The following ABCC8 variants were observed in gnomAD, a reference collection of about 807,000 sequenced individuals.
The protein encoded by ABCC8 is ATP binding cassette subfamily C member 8, also known as ATP-binding cassette sub-family C member 8.
In ABCC8, 137 loss-of-function variants were observed where a neutral mutation model predicts 188.0. The ratio of observed to expected loss-of-function variants is 0.73; its 90% CI spans 0.63 to 0.84. ABCC8 has a LOEUF of 0.84. ABCC8 is among the 40% of genes least tolerant of loss of function. The pLI, the probability that ABCC8 is intolerant of heterozygous loss-of-function variation, is 0.00. For synonymous variants in ABCC8, 797 were observed against 846.5 expected, an observed-to-expected ratio of 0.94 and a Z score of 1.01; for missense variants, 1,750 against 2,072.7, an observed-to-expected ratio of 0.84 and a Z score of 3.02.
chr11:17,447,358 G>A (rs1039817667), intron 8 of ABCC8, among the ~76,000 whole-genome samples: 14 of 152,096 alleles, frequency 9.2e-5, no homozygotes, highest in Admixed American at 6.5e-4. Flanking sequence ...TTATTGGGGG[G>A]TAATGTACCT....
At position 17,427,377 on chromosome 11, in the gene ABCC8, C is replaced by G. The variant is rs926989662; in HGVS notation, c.2117-223G>C. 6.6e-6 allele frequency among the ~76,000 whole-genome samples: 1 copy of G among 152,140 alleles called. No individual in the cohort carries two copies. The highest frequency in any genetic ancestry group is 2.4e-5 in the African/African-American group (1 of 41,432). Reference sequence around the variant, plus strand: ...CTTCCCCCTCTCTGATTTCCTGCCCCGCCACCCTTCCTAAGCACTCGCTTC... The same window carrying G: ...CTTCCCCCTCTCTGATTTCCTGCCCGGCCACCCTTCCTAAGCACTCGCTTC... On this transcript the variant is annotated intron_variant, in intron 15 of 38. Coordinates refer to ENST00000389817, the MANE Select transcript of ABCC8 (RefSeq NM_000352.6). The surrounding 1 kb of genome is among the most constrained non-coding windows in gnomAD (Gnocchi z 5.0).
At chr11:17,415,763 C>T (rs933851953) in intron 17 of ABCC8, among the ~76,000 whole-genome samples, 5 of 152,168 alleles carry the variant, frequency 3.3e-5, no homozygotes, top group African/African-American at 1.2e-4. Flanking sequence ...TGGACAGAGC[C>T]AGGCCAGGCC....
intron 6 of ABCC8, among the ~76,000 whole-genome samples, chr11:17,454,171 A>G (rs1956910983): frequency 6.6e-6 from 1 of 152,114 alleles, no homozygotes; most frequent in Admixed American, 6.5e-5. Context: ...GAACAAAGTG[A>G]TGAGAAGGAG....
chr11:17,435,544 G>T (rs1273317572), intron 10 of ABCC8: 2 of 1,213,500 alleles, frequency 1.6e-6, no homozygotes, highest in Middle Eastern at 2.8e-4. Context: ...GCTCCAAGGG[G>T]ATCTAAAAGC....
chr11:17,410,930 C>T (rs555453449), intron 21 of ABCC8, among the ~76,000 whole-genome samples: 1 of 152,184 alleles, frequency 6.6e-6, no homozygotes, highest in Non-Finnish European at 1.5e-5. Context: ...AAAGTCAAAC[C>T]CTGTGGGCTG....
At chr11:17,463,371 A>G (rs1847942480) in intron 4 of ABCC8, 67 bp downstream of exon 4, 1 of 1,373,976 alleles carries the variant, frequency 7.3e-7, no homozygotes, top group Non-Finnish European at 1.0e-6. Context: ...GGGGGCCTGA[A>G]CCCAGGGCAG....
Position 17,393,688 on chromosome 11 carries a change from G to C in ABCC8, c.4608+9C>G, listed in dbSNP as rs757297282. 24 of 1,614,072 alleles carry C rather than the reference G, an allele frequency of 1.5e-5. No individual in the cohort carries two copies. Among genetic ancestry groups the C allele is most frequent in the Non-Finnish European group, 1.0e-5 (12 of 1,180,016 alleles). ...GTGTCCCTCTGCACCCCATCAATGG[G>C]CCCCTTACCGCGATGGTGACCACAG... On this transcript the variant is annotated intron_variant, in intron 38 of 38. Transcript: ENST00000389817.
intron 10 of ABCC8, among the ~76,000 whole-genome samples, chr11:17,438,657 A>G (rs1956199426): frequency 6.6e-6 from 1 of 152,092 alleles, no homozygotes; most frequent in African/African-American, 2.4e-5. Flanking sequence ...GATTGAACTG[A>G]CTTCTAAAGG....
At chr11:17,399,193 T>A (rs1954097139) in intron 29 of ABCC8, 1 of 144,936 alleles carries the variant, frequency 6.9e-6, no homozygotes, top group African/African-American at 2.6e-5. Flanking sequence ...GGATAATTGC[T>A]TGAACCCGGG....
intron 26 of ABCC8, 150 bp from the exon 27 acceptor site, chr11:17,405,713 T>A: frequency 6.8e-7 from 1 of 1,476,042 alleles, no homozygotes; most frequent in Non-Finnish European, 9.2e-7. Context: ...CTGGCCTGTA[T>A]CCCCGTGAAT....
In ABCC8 at chr11:17,414,127, C is replaced by T. The variant is rs190620634; in HGVS notation, c.2390+385G>A. 4.8e-3 allele frequency among the ~76,000 whole-genome samples: 728 copies of T among 152,292 alleles called. 7 individuals carry two copies. Among genetic ancestry groups the T allele is most frequent in the Middle Eastern group, 0.014 (4 of 294 alleles). On this transcript the variant is annotated intron_variant, in intron 19 of 38. Coordinates refer to ENST00000389817, the MANE Select transcript of ABCC8 (RefSeq NM_000352.6). ...GAGGAAATTCCGTGTACAAAGAGCTCGGCACTGTGCCTGGTATGTAGTAAG... is the reference window on the plus strand; with the variant it reads ...GAGGAAATTCCGTGTACAAAGAGCTTGGCACTGTGCCTGGTATGTAGTAAG...
At position 17,395,927 on chromosome 11, in the gene ABCC8, C is replaced by T. The variant is rs866198779; in HGVS notation, c.4123G>A (p.Gly1375Arg). Residue 1375 changes from glycine to arginine, a missense_variant, in exon 34 of 39, where the codon GGG becomes AGG. Transcript: ENST00000389817. The stretch of plus-strand genomic sequence containing the variant: ...CCACTGCCGGTGCGGCCGCAGATCC[C>T]GATCTGGAAAGAGAGAAGCAGGCAC... ...NALIAPGQKI[G>R]ICGRTGSGKS... 3.2e-6 allele frequency: 5 copies of T among 1,578,646 alleles called. No individual in the cohort carries two copies. Among genetic ancestry groups the T allele is most frequent in the Admixed American group, 1.8e-5 (1 of 55,818 alleles).
chr11:17,418,089 CAT>C (rs1564910516), intron 16 of ABCC8, among the ~76,000 whole-genome samples: 1 of 152,094 alleles, frequency 6.6e-6, no homozygotes, highest in African/African-American at 2.4e-5. Flanking sequence ...TCAAAATAAC[CAT>C]ATGAAGGAGG....
intron 33 of ABCC8, 40 bp downstream of exon 33, chr11:17,396,876 A>T (rs1953956168): frequency 6.2e-7 from 1 of 1,610,574 alleles, no homozygotes; most frequent in South Asian, 1.1e-5. Context: ...TCCCCTGCTC[A>T]CGCCTGTCCT....
chr11:17,431,141 G>C, intron 11 of ABCC8, 182 bp from the exon 12 acceptor site: 1 of 993,278 alleles, frequency 1.0e-6, no homozygotes, highest in Non-Finnish European at 1.5e-6. Flanking sequence ...TCCCCAACAA[G>C]TTCAGGACTT....
rs149540950 is a variant in ABCC8, at chr11:17,433,423, G to T, written c.1631-1179C>A. ...GTCTTGGACACTCTGATGAAGTCCA[G>T]ATGGTCAATACCAGTCCAAGAAGTT... On this transcript the variant is annotated intron_variant, in intron 10 of 38. Transcript: ENST00000389817. Among the ~76,000 whole-genome samples, 11 of 152,358 alleles carry T rather than the reference G, an allele frequency of 7.2e-5. No homozygotes were observed. The East Asian group carries it at 1.7e-3, about 24-fold the overall frequency.
Position 17,427,913 on chromosome 11 carries a change from T to C in ABCC8, c.2070A>G (p.Pro690=), listed in dbSNP as rs1176345615. The stretch of plus-strand genomic sequence containing the variant: ...TGTTGGACAGTGTGGGGATTCCATC[T>C]GGGGTCCACGTGAAGTAGCCTCCCA... ...QIMGGYFTWT[P]DGIPTLSNIT... Residue 690 remains proline (P), a synonymous_variant, in exon 15 of 39, where the codon CCA becomes CCG. Transcript: ENST00000389817. This position sits in a 1 kb window ranked among gnomAD's most constrained non-coding sequence, Gnocchi z 5.0. 3.1e-6 allele frequency: 5 copies of C among 1,614,052 alleles called. No individual in the cohort carries two copies. The highest frequency in any genetic ancestry group is 2.5e-6 in the Non-Finnish European group (3 of 1,179,962).
intron 7 of ABCC8, among the ~76,000 whole-genome samples, chr11:17,452,051 G>C (rs1956836442): frequency 6.6e-6 from 1 of 152,198 alleles, no homozygotes; most frequent in Non-Finnish European, 1.5e-5. Flanking sequence ...TCCTGTGTCA[G>C]CCCTGACTCT....
At chr11:17,473,797 A>G (rs867053411) in intron 2 of ABCC8, among the ~76,000 whole-genome samples, 1 of 152,092 alleles carries the variant, frequency 6.6e-6, no homozygotes, top group South Asian at 2.1e-4. Context: ...TGCGCTGAAC[A>G]CCTCAGGTTC....
Sources: gnomAD v4.1 joint callset for allele counts (sites outside exome capture counted in the v4.1 genomes callset) on GRCh38, gnomAD v4.1.1 for gene constraint, Gnocchi (gnomAD v3.1) non-coding constraint, MANE v1.5 for transcripts, NCBI Gene and HGNC (gene_info 2026-07-23, HGNC 2026-07-21) for gene names.